Variants in TRERF1 observed in about 807,000 individuals in gnomAD.
TRERF1 encodes the protein transcriptional regulating factor 1, also known as transcriptional-regulating factor 1.
TRERF1 carries 27 observed loss-of-function variants against 122.9 expected under a neutral mutation model. That is an observed-to-expected ratio of 0.22 (90% CI 0.16 to 0.30). TRERF1 has a LOEUF of 0.30. Among genes scored for constraint, TRERF1 ranks in the 10% least tolerant of loss-of-function variants. The pLI is 1.00. For synonymous variants in TRERF1, 636 were observed against 641.7 expected, an observed-to-expected ratio of 0.99 and a Z score of 0.13; for missense variants, 1,248 against 1,560.3, an observed-to-expected ratio of 0.80 and a Z score of 3.37.
rs889045535 is a variant in TRERF1 at position 42,269,189 on chromosome 6, C to T, written c.402G>A (p.Lys134=). The T allele has an allele frequency of 1.2e-6, 2 of 1,614,086 alleles. No homozygotes were observed. Among genetic ancestry groups the T allele is most frequent in the Non-Finnish European group, 1.7e-6 (2 of 1,180,040 alleles). The change falls in exon 5 of 18, where the codon AAG becomes AAA. Residue 134 remains lysine (K), a synonymous_variant. Coordinates refer to ENST00000372922, the Ensembl canonical transcript of TRERF1. The surrounding 1 kb of genome is among the most constrained non-coding windows in gnomAD (Gnocchi z 4.9). ...GCTTGTGTAAGACACCGCTGGTAAG[C>T]TTCTGGGTCCGGATCTCGCTGGCCT... is the stretch of plus-strand genomic sequence containing the variant.
chr6:42,448,562 A>C (rs1787941395), intron 2 of TRERF1, among the ~76,000 whole-genome samples: 1 of 152,214 alleles, frequency 6.6e-6, no homozygotes, highest in South Asian at 2.1e-4. Flanking sequence ...TCCATGAAGC[A>C]ATTGGCCGTT....
chr6:42,334,834 C>T (rs1343645528), intron 3 of TRERF1, among the ~76,000 whole-genome samples: 1 of 152,168 alleles, frequency 6.6e-6, no homozygotes, highest in Non-Finnish European at 1.5e-5. Context: ...CCAAGGAGCC[C>T]CACGTGTGCT....
rs535129514 is a variant in TRERF1, at chr6:42,263,291, G to A, written c.1884+29C>T. 6.3e-7 allele frequency: 1 copy of A among 1,590,346 alleles called. No homozygotes were observed. The highest frequency in any genetic ancestry group is 1.3e-5 in the African/African-American group (1 of 74,680). Reference sequence around the variant, plus strand: ...CGTGCGGGGGGCAGCCCCTTGGGGTGAGTGTGGGGGAGAGAGGGTCATCCT... The same window carrying A: ...CGTGCGGGGGGCAGCCCCTTGGGGTAAGTGTGGGGGAGAGAGGGTCATCCT... On this transcript the variant is annotated intron_variant, in intron 8 of 17. Transcript: ENST00000372922. The surrounding 1 kb of genome is among the most constrained non-coding windows in gnomAD (Gnocchi z 5.6).
At chr6:42,315,915 A>G (rs1762418847) in intron 3 of TRERF1, among the ~76,000 whole-genome samples, 2 of 151,950 alleles carry the variant, frequency 1.3e-5, no homozygotes, top group Admixed American at 1.3e-4. Context: ...AGGGGAGAGG[A>G]CCCCCACACC....
chr6:42,434,671 C>CACAGACAG (rs199906638), intron 2 of TRERF1, among the ~76,000 whole-genome samples: 62 of 99,824 alleles, frequency 6.2e-4, no homozygotes, highest in African/African-American at 2.9e-3. Context: ...CCCTCCACCA[C>CACAGACAG]ACACACACAC....
At chr6:42,413,961 A>G (rs199813572) in intron 2 of TRERF1, among the ~76,000 whole-genome samples, 56 of 152,328 alleles carry the variant, frequency 3.7e-4, no homozygotes, top group East Asian at 1.7e-3. Flanking sequence ...AAATTAATAA[A>G]CCATGGGCCC....
chr6:42,265,099 C>T (rs1778916051), intron 6 of TRERF1, among the ~76,000 whole-genome samples: 1 of 152,208 alleles, frequency 6.6e-6, no homozygotes, highest in Non-Finnish European at 1.5e-5. Flanking sequence ...ACAAAATGTC[C>T]TTCTTCATAC....
intron 12 of TRERF1, among the ~76,000 whole-genome samples, chr6:42,255,216 G>A (rs1415478263): frequency 1.3e-5 from 2 of 152,216 alleles, no homozygotes; most frequent in African/African-American, 2.4e-5. Flanking sequence ...CCAGAGATGA[G>A]TGGTGCCTCC....
intron 3 of TRERF1, among the ~76,000 whole-genome samples, chr6:42,308,792 A>C: frequency 6.6e-6 from 1 of 152,074 alleles, no homozygotes. Context: ...TTGAGGGGGG[A>C]GGGCAGGAGG....
At chr6:42,399,252 G>T (rs1453462708) in intron 2 of TRERF1, among the ~76,000 whole-genome samples, 2 of 152,136 alleles carry the variant, frequency 1.3e-5, no homozygotes, top group Non-Finnish European at 2.9e-5. Flanking sequence ...CCCTCTCATA[G>T]GTTTCTCATT....
intron 4 of TRERF1, among the ~76,000 whole-genome samples, chr6:42,284,986 C>T (rs1028087916): frequency 3.3e-5 from 5 of 151,926 alleles, no homozygotes; most frequent in Admixed American, 3.3e-4. Flanking sequence ...TTCAAAGGTC[C>T]TCAAGGTAAG....
In TRERF1 at chr6:42,259,653, T is replaced by C. The variant is rs1242989013; in HGVS notation, c.1955A>G (p.Lys652Arg). 4 of 1,612,096 alleles carry C rather than the reference T, an allele frequency of 2.5e-6. No homozygotes were observed. Among genetic ancestry groups the C allele is most frequent in the Non-Finnish European group, 3.4e-6 (4 of 1,179,998 alleles). The change falls in exon 9 of 18, where the codon AAA (lysine) becomes AGA (arginine). Residue 652 changes from lysine (K) to arginine (R), a missense_variant. By Grantham distance (26) the Lys-to-Arg change is conservative (BLOSUM62 2). Coordinates refer to ENST00000372922, the Ensembl canonical transcript of TRERF1. The surrounding 1 kb of genome is among the most constrained non-coding windows in gnomAD (Gnocchi z 4.9). ...AGGTTCCGGCCGGTGCCGGAACTTT[T>C]TCTTCTCCTGCACGGTCTTGAGGGG...
intron 2 of TRERF1, among the ~76,000 whole-genome samples, chr6:42,415,438 T>A (rs1193141171): frequency 6.6e-6 from 1 of 152,188 alleles, no homozygotes; most frequent in South Asian, 2.1e-4. Flanking sequence ...GGGATTTGTG[T>A]CAAACTTAGG....
intron 3 of TRERF1, among the ~76,000 whole-genome samples, chr6:42,326,682 C>T (rs1351330043): frequency 6.6e-6 from 1 of 152,174 alleles, no homozygotes; most frequent in African/African-American, 2.4e-5. Flanking sequence ...CCACCATGCA[C>T]CAATGTATCA....
chr6:42,428,105 G>C (rs1227821479), intron 2 of TRERF1, among the ~76,000 whole-genome samples: 1 of 152,094 alleles, frequency 6.6e-6, no homozygotes, highest in African/African-American at 2.4e-5. Flanking sequence ...TCCCCAAGTG[G>C]GGCTCAAAGT....
At chr6:42,300,330 A>T (rs1185469232) in intron 4 of TRERF1, among the ~76,000 whole-genome samples, 1 of 152,078 alleles carries the variant, frequency 6.6e-6, no homozygotes, top group Non-Finnish European at 1.5e-5. Flanking sequence ...AGATTTTTTC[A>T]TTCAAAATTC....
At chr6:42,399,291 A>G (rs1779060228) in intron 2 of TRERF1, among the ~76,000 whole-genome samples, 1 of 152,196 alleles carries the variant, frequency 6.6e-6, no homozygotes, top group East Asian at 1.9e-4. Context: ...AATTATAGTA[A>G]TGAGCTGGAG....
At chr6:42,262,353 A>G (rs1460819714) in intron 8 of TRERF1, among the ~76,000 whole-genome samples, 3 of 151,738 alleles carry the variant, frequency 2.0e-5, no homozygotes, top group Admixed American at 6.6e-5. Flanking sequence ...TCCTAAGGAC[A>G]AATATGACCC....
Position 42,269,438 on chromosome 6 carries a change from C to T in TRERF1, c.153G>A (p.Ser51=), listed in dbSNP as rs747687325. Residue 51 remains serine, a synonymous_variant, in exon 5 of 18, where the codon TCG becomes TCA. Transcript: ENST00000372922. The surrounding 1 kb of genome is among the most constrained non-coding windows in gnomAD (Gnocchi z 4.9). Reference sequence around the variant, plus strand: ...CTTGAGGGAAGTGGGGGGAGATTGGCGAGGCCTGAGGGGCATCCATTCCGC... The same window carrying T: ...CTTGAGGGAAGTGGGGGGAGATTGGTGAGGCCTGAGGGGCATCCATTCCGC... 1.4e-5 allele frequency: 22 copies of T among 1,614,140 alleles called. No homozygotes were observed. The highest frequency in any genetic ancestry group is 1.8e-5 in the Non-Finnish European group (21 of 1,180,028).
Sources: allele counts gnomAD v4.1 joint callset (sites outside exome capture counted in the v4.1 genomes callset), GRCh38; gene constraint gnomAD v4.1.1; non-coding constraint Gnocchi (gnomAD v3.1); transcripts MANE v1.5; gene names NCBI Gene and HGNC (gene_info 2026-07-23, HGNC 2026-07-21).